MAMLD1: variants seen among roughly 807,000 people sequenced by gnomAD.
MAMLD1 encodes the protein mastermind like domain containing 1.
In MAMLD1, 14 loss-of-function variants were observed where a neutral mutation model predicts 45.0. The ratio of observed to expected loss-of-function variants is 0.31; its 90% CI spans 0.21 to 0.49. The LOEUF is 0.49. Ranked by LOEUF, MAMLD1 falls within the 20% of genes least tolerant of loss-of-function variation. The probability of loss-of-function intolerance (pLI) is 0.99; values close to 1 mark genes in which losing one functional copy is unlikely to be tolerated. For synonymous variants in MAMLD1, 254 were observed against 247.8 expected (o/e 1.02, Z -0.24); for missense variants, 543 against 603.6 (o/e 0.90, Z 1.05).
chrX:150,492,145 G>A (rs1557407967), intron 5 of MAMLD1, among the ~76,000 whole-genome samples: 1 of 112,479 alleles, frequency 8.9e-6, no homozygotes. Flanking sequence ...CACTATCAAG[G>A]ATCCCTCATC....
intron 2 of MAMLD1, among the ~76,000 whole-genome samples, chrX:150,449,354 G>A (rs1280770500): frequency 1.8e-5 from 2 of 111,081 alleles, no homozygotes; most frequent in Non-Finnish European, 3.8e-5. Flanking sequence ...GGCTGAAGAC[G>A]GGGGAGAGAG....
In MAMLD1 at chrX:150,513,650, G is replaced by A; in HGVS notation, c.*1691G>A. 3.4e-6 allele frequency: 1 copy of A among 298,016 alleles called. No individual in the cohort carries two copies. The highest frequency in any genetic ancestry group is 6.0e-5 in the Admixed American group (1 of 16,551). The allele number at this position is 298,016 out of a possible 1,213,427, so 24.6% of individuals were successfully genotyped here. ...CTCTTTCCTAATGAGCTTTACAGCA[G>A]AAGCCGTTTTATCGTTAAGTGCCCC... is the stretch of plus-strand genomic sequence containing the variant. On this transcript the variant is annotated 3_prime_UTR_variant, in exon 8 of 8. Coordinates refer to ENST00000370401, the MANE Select transcript of MAMLD1 (RefSeq NM_005491.5).
intron 2 of MAMLD1, among the ~76,000 whole-genome samples, chrX:150,452,839 G>A (rs1359903306): frequency 3.0e-5 from 3 of 101,237 alleles, no homozygotes; most frequent in African/African-American, 7.4e-5. Context: ...ACCTATGAGT[G>A]AGAATATGCG....
intron 1 of MAMLD1, among the ~76,000 whole-genome samples, chrX:150,433,379 C>G (rs1557404147): frequency 8.9e-6 from 1 of 111,838 alleles, no homozygotes; most frequent in Admixed American, 9.5e-5. Context: ...TTTCCTCTTT[C>G]CCTATTTGGA....
chrX:150,403,066 T>A (rs1557402535), intron 1 of MAMLD1, among the ~76,000 whole-genome samples: 2 of 100,666 alleles, frequency 2.0e-5, no homozygotes, highest in Non-Finnish European at 4.4e-5. Context: ...AAACTTAAAG[T>A]ATAGTAATAA....
chrX:150,438,802 G>A (rs2035203191), intron 1 of MAMLD1, among the ~76,000 whole-genome samples: 1 of 112,414 alleles, frequency 8.9e-6, no homozygotes, highest in African/African-American at 3.2e-5. Flanking sequence ...GTGCTGCTAA[G>A]AACATTTGTG....
rs782520508 is a variant in MAMLD1 at position 150,505,574 on chromosome X, G to A, written c.2284+2057G>A. 5.8e-4 allele frequency among the ~76,000 whole-genome samples: 65 copies of A among 111,574 alleles called. 1 individual carries two copies. Among genetic ancestry groups the A allele is most frequent in the Non-Finnish European group, 1.1e-3 (56 of 53,062 alleles). On this transcript the variant is annotated intron_variant, in intron 6 of 7. Transcript: ENST00000370401. ...GTTCAGGGGCCCCAGAGTTACTGTG[G>A]CCCGTATCCCTCTGGCTGCATTCTG...
chrX:150,375,147 C>T (rs782419812), intron 1 of MAMLD1, among the ~76,000 whole-genome samples: 3 of 111,241 alleles, frequency 2.7e-5, no homozygotes, highest in African/African-American at 6.5e-5. Flanking sequence ...GGCAAGGCCA[C>T]GAGGGCTCAT....
intron 2 of MAMLD1, among the ~76,000 whole-genome samples, chrX:150,451,254 C>T (rs782260824): frequency 6.2e-5 from 7 of 112,515 alleles, no homozygotes; most frequent in Non-Finnish European, 9.4e-5. Flanking sequence ...GCATTCCTGC[C>T]TAGCTCTTTC....
At chrX:150,402,529 C>A (rs1452604794) in intron 1 of MAMLD1, among the ~76,000 whole-genome samples, 2 of 111,853 alleles carry the variant, frequency 1.8e-5, no homozygotes, top group Admixed American at 9.4e-5. Flanking sequence ...CCTCAGGGAT[C>A]TAGAACTAGA....
intron 1 of MAMLD1, among the ~76,000 whole-genome samples, chrX:150,410,851 T>G (rs2034106495): frequency 8.9e-6 from 1 of 112,141 alleles, no homozygotes; most frequent in Non-Finnish European, 1.9e-5. Context: ...ACCACCTGAC[T>G]ACACTGCCTG....
rs782245091 is a variant in MAMLD1, at chrX:150,436,681, GATC to G, written c.-63-8767_-63-8765del. ...TTTTGACTTTTTCCTGAATCTTGAT[GATC>G]ATCATTTCTATCCATATTCTGAATT... On this transcript the variant is annotated intron_variant, in intron 1 of 7. Coordinates refer to ENST00000370401, the MANE Select transcript of MAMLD1 (RefSeq NM_005491.5). Among the ~76,000 whole-genome samples the G allele has an allele frequency of 9.0e-5, 10 of 111,670 alleles. No homozygotes were observed. In the East Asian group the frequency reaches 2.8e-3, roughly 31 times the overall value.
chrX:150,382,058 C>A (rs1185483063), intron 1 of MAMLD1, among the ~76,000 whole-genome samples: 7 of 111,238 alleles, frequency 6.3e-5, no homozygotes, highest in African/African-American at 2.0e-4. Context: ...AGTCTAAGAA[C>A]TCTACCCCAA....
intron 1 of MAMLD1, among the ~76,000 whole-genome samples, chrX:150,440,079 T>G (rs781787945): frequency 9.8e-5 from 11 of 112,004 alleles, no homozygotes; most frequent in Middle Eastern, 4.6e-3. Flanking sequence ...GACGTGAGTC[T>G]TCTTGTTTTT....
intron 1 of MAMLD1, among the ~76,000 whole-genome samples, chrX:150,426,579 G>T (rs1162490835): frequency 1.8e-5 from 2 of 112,137 alleles, no homozygotes; most frequent in Non-Finnish European, 3.8e-5. Context: ...GGGTTTTCTG[G>T]TTGAGAGCCA....
At chrX:150,405,226 C>A (rs2033966445) in intron 1 of MAMLD1, among the ~76,000 whole-genome samples, 1 of 112,066 alleles carries the variant, frequency 8.9e-6, no homozygotes, top group African/African-American at 3.2e-5. Flanking sequence ...GCAAATTAGA[C>A]ATTGGGCTGG....
intron 1 of MAMLD1, among the ~76,000 whole-genome samples, chrX:150,425,388 C>T (rs934465401): frequency 1.8e-5 from 2 of 112,568 alleles, no homozygotes; most frequent in Middle Eastern, 4.6e-3. Flanking sequence ...TTTTTAAAGT[C>T]AACTTTTCAA....
At chrX:150,415,640 T>C (rs2034229290) in intron 1 of MAMLD1, among the ~76,000 whole-genome samples, 1 of 111,939 alleles carries the variant, frequency 8.9e-6, no homozygotes, top group African/African-American at 3.3e-5. Context: ...TTATTCGGAG[T>C]GTTTCTGAAT....
intron 1 of MAMLD1, among the ~76,000 whole-genome samples, chrX:150,420,792 C>T (rs1166751600): frequency 1.8e-5 from 2 of 112,240 alleles, no homozygotes; most frequent in South Asian, 3.7e-4. Context: ...GCAGTCTGCC[C>T]GTTCTCAGAT....
Sources: gnomAD v4.1 joint callset for allele counts (sites outside exome capture counted in the v4.1 genomes callset) on GRCh38, gnomAD v4.1.1 for gene constraint, MANE v1.5 for transcripts, NCBI Gene and HGNC (gene_info 2026-07-23, HGNC 2026-07-21) for gene names.